The following SDK1 variants were observed in gnomAD, a reference collection of about 807,000 sequenced individuals.
SDK1 encodes the protein sidekick cell adhesion molecule 1, also known as protein sidekick-1.
A neutral mutation model predicts 245.5 loss-of-function variants in SDK1; 157 were observed. The observed-to-expected ratio is 0.64, with a 90% CI of 0.56 to 0.73. The LOEUF is 0.73. Among genes scored for constraint, SDK1 ranks in the 30% least tolerant of loss-of-function variants. The pLI, the probability that SDK1 is intolerant of heterozygous loss-of-function variation, is 0.00. For synonymous variants in SDK1, 1,647 were observed against 1,278.5 expected (o/e 1.29, Z -6.15); for missense variants, 3,583 against 3,002.3 (o/e 1.19, Z -4.52).
intron 4 of SDK1, among the ~76,000 whole-genome samples, chr7:3,764,426 C>T (rs774398629): frequency 6.6e-6 from 1 of 152,182 alleles, no homozygotes. Context: ...TGACTCATGC[C>T]TGTAATCCCA....
intron 5 of SDK1, among the ~76,000 whole-genome samples, chr7:3,825,050 G>A (rs929641881): frequency 2.0e-5 from 3 of 152,084 alleles, no homozygotes; most frequent in Admixed American, 6.5e-5. Context: ...GTGATGTGAA[G>A]CCAGCAGATG....
At chr7:3,816,994 A>T (rs984197154) in intron 4 of SDK1, among the ~76,000 whole-genome samples, 2 of 152,178 alleles carry the variant, frequency 1.3e-5, no homozygotes, top group East Asian at 3.8e-4. Context: ...ATAGACTCAA[A>T]TTATGCTTCT....
rs143199735 is a variant in SDK1, at chr7:3,565,420, G to C, written c.299-53660G>C. Among the ~76,000 whole-genome samples, 24 of 152,230 alleles carry C rather than the reference G, an allele frequency of 1.6e-4. No homozygotes were observed. In the East Asian group the frequency reaches 4.3e-3, roughly 27 times the overall value. On this transcript the variant is annotated intron_variant, in intron 1 of 44. Coordinates refer to ENST00000404826, the MANE Select transcript of SDK1 (RefSeq NM_152744.4). ...ATTACCTCTGCTGCTACTTAACATA[G>C]CGTTTTCATTTTATGTCCTGATCAG...
intron 14 of SDK1, among the ~76,000 whole-genome samples, chr7:3,993,426 A>T (rs2128141728): frequency 6.6e-6 from 1 of 152,322 alleles, no homozygotes; most frequent in African/African-American, 2.4e-5. Flanking sequence ...CAAACATATT[A>T]AACATTCAGA....
intron 17 of SDK1, among the ~76,000 whole-genome samples, chr7:4,048,981 G>A (rs895790383): frequency 5.9e-5 from 9 of 152,132 alleles, no homozygotes; most frequent in African/African-American, 1.9e-4. Context: ...TATATTGAGG[G>A]AGGATTTCTA....
intron 4 of SDK1, among the ~76,000 whole-genome samples, chr7:3,778,594 G>C (rs771140569): frequency 1.2e-4 from 18 of 152,188 alleles, no homozygotes; most frequent in Non-Finnish European, 2.2e-4. Context: ...TGTATGTTTT[G>C]TATTTCATTG....
At chr7:3,305,181 G>A (rs546824878) in intron 1 of SDK1, among the ~76,000 whole-genome samples, 98 of 152,112 alleles carry the variant, frequency 6.4e-4, no homozygotes, top group Non-Finnish European at 8.2e-4. Flanking sequence ...AAACTGTTGA[G>A]CCCCTGCTTT....
chr7:3,997,903 G>A (rs763104888), intron 14 of SDK1, among the ~76,000 whole-genome samples: 2 of 152,190 alleles, frequency 1.3e-5, no homozygotes, highest in Non-Finnish European at 2.9e-5. Context: ...GATCAGAGTG[G>A]GTGCCAACAG....
At chr7:3,405,514 A>G (rs1407172075) in intron 1 of SDK1, among the ~76,000 whole-genome samples, 2 of 152,170 alleles carry the variant, frequency 1.3e-5, no homozygotes, top group African/African-American at 4.8e-5. Flanking sequence ...TAGCTCCCCC[A>G]AAATCTCTGC....
intron 28 of SDK1, among the ~76,000 whole-genome samples, chr7:4,139,710 T>A (rs1450988055): frequency 2.7e-5 from 1 of 37,520 alleles, no homozygotes; most frequent in African/African-American, 7.2e-5. Flanking sequence ...TGTGTATGTG[T>A]GTGTGTGTGT....
chr7:3,348,020 C>CAG (rs1322533619), intron 1 of SDK1, among the ~76,000 whole-genome samples: 1 of 151,908 alleles, frequency 6.6e-6, no homozygotes, highest in Non-Finnish European at 1.5e-5. Flanking sequence ...AGTATTATAA[C>CAG]AGAGGATGAG....
chr7:3,671,627 G>T (rs750822), intron 4 of SDK1, among the ~76,000 whole-genome samples: 55,936 of 151,990 alleles, frequency 0.37, 11,270 homozygotes, highest in African/African-American at 0.53. Context: ...CAAGTGAAGA[G>T]TGTTTAAAAT....
At chr7:3,429,103 A>G (rs566275454) in intron 1 of SDK1, among the ~76,000 whole-genome samples, 3 of 152,320 alleles carry the variant, frequency 2.0e-5, no homozygotes, top group Non-Finnish European at 2.9e-5. Context: ...GTAAGATACA[A>G]TCCAGCTTCT....
intron 4 of SDK1, among the ~76,000 whole-genome samples, chr7:3,739,536 T>A (rs1488199798): frequency 2.0e-5 from 3 of 152,188 alleles, no homozygotes; most frequent in Non-Finnish European, 2.9e-5. Flanking sequence ...AGTTCAGTGA[T>A]TCTTTTTCTG....
chr7:4,046,562 CTA>C (rs1789028323), intron 17 of SDK1, among the ~76,000 whole-genome samples: 1 of 152,148 alleles, frequency 6.6e-6, no homozygotes, highest in Non-Finnish European at 1.5e-5. Context: ...GTCGAAATTA[CTA>C]TCTTTTCTTT....
intron 4 of SDK1, among the ~76,000 whole-genome samples, chr7:3,692,915 G>C (rs1396333291): frequency 6.6e-6 from 1 of 151,898 alleles, no homozygotes; most frequent in Non-Finnish European, 1.5e-5. Flanking sequence ...GATAGATAAA[G>C]GTAGCATCTT....
intron 41 of SDK1, among the ~76,000 whole-genome samples, chr7:4,234,598 C>G (rs1786026702): frequency 6.6e-6 from 1 of 152,160 alleles, no homozygotes; most frequent in Non-Finnish European, 1.5e-5. Flanking sequence ...AAGCTGGTCC[C>G]TGGTTGTGGC....
chr7:3,958,617 C>T (rs1488634189), intron 7 of SDK1, among the ~76,000 whole-genome samples: 3 of 152,164 alleles, frequency 2.0e-5, no homozygotes, highest in East Asian at 3.8e-4. Context: ...CCATAAAATA[C>T]GGTGCTGTAA....
intron 1 of SDK1, among the ~76,000 whole-genome samples, chr7:3,587,447 G>C (rs1347503296): frequency 6.6e-6 from 1 of 152,070 alleles, no homozygotes; most frequent in East Asian, 1.9e-4. Flanking sequence ...AGGAGTGTTA[G>C]AGCCAGAGAG....
Sources: allele counts gnomAD v4.1 joint callset (sites outside exome capture counted in the v4.1 genomes callset), GRCh38; gene constraint gnomAD v4.1.1; transcripts MANE v1.5; gene names NCBI Gene and HGNC (gene_info 2026-07-23, HGNC 2026-07-21).